DRP2: variants seen among roughly 807,000 people sequenced by gnomAD.
The protein encoded by DRP2 is dystrophin related protein 2.
In DRP2, 29 loss-of-function variants were observed where a neutral mutation model predicts 78.2. The observed-to-expected ratio is 0.37, with a 90% confidence interval of 0.28 to 0.51. DRP2 has a LOEUF of 0.51. Ranked by LOEUF, DRP2 falls within the 20% of genes least tolerant of loss-of-function variation. DRP2 has a pLI of 0.94. For synonymous variants in DRP2, 290 were observed against 281.9 expected (o/e 1.03, Z -0.29); for missense variants, 686 against 770.6 (o/e 0.89, Z 1.30).
chrX:101,263,372 T>C lies in DRP2; in HGVS notation c.*2751T>C, dbSNP rs1014156814. On this transcript the variant is annotated 3_prime_UTR_variant, in exon 24 of 24. Transcript: ENST00000395209. ...ATGGTGAAGGGAGTTGCTAGATTGA[T>C]AGCCTAAAGAAAACCTTCTGACTGT... 1.1e-4 allele frequency: 12 copies of C among 112,474 alleles called. No homozygotes were observed. The highest frequency in any genetic ancestry group is 3.9e-4 in the African/African-American group (12 of 30,948). 9.3% of individuals were successfully genotyped at this position (112,474 alleles called of 1,213,427 possible). A position where few individuals can be genotyped will look rare whatever the true frequency, so the allele number is the denominator to read the frequency against.
chrX:101,242,072 A>G, intron 7 of DRP2, 136 bp downstream of exon 7: 2 of 869,960 alleles, frequency 2.3e-6, no homozygotes, highest in Non-Finnish European at 3.1e-6. Flanking sequence ...TATGTGCTAG[A>G]TTTGGGGCTG....
rs1267371449 is a variant in DRP2 at position 101,231,570 on chromosome X, G to C, written c.-63-15G>C. ...CTAGGTCTTGACTCGAAATCTCTCT[G>C]TATTGCTTTTCCAGGTGCTTAATGA... On this transcript the variant is annotated splice_polypyrimidine_tract_variant and intron_variant, in intron 2 of 23. Coordinates refer to ENST00000395209, the MANE Select transcript of DRP2 (RefSeq NM_001939.3). The C allele has an allele frequency of 1.2e-6, 1 of 868,652 alleles. No homozygotes were observed. Among genetic ancestry groups the C allele is most frequent in the Non-Finnish European group, 1.7e-6 (1 of 583,888 alleles). The allele number at this position is 868,652 out of a possible 1,213,427, so 71.6% of individuals were successfully genotyped here. A position where few individuals can be genotyped will look rare whatever the true frequency, so the allele number is the denominator to read the frequency against.
rs369183404 is a variant in DRP2, at chrX:101,248,132, G to A, written c.1296G>A (p.Glu432=). ...CCACAGCCCTGGAAATCTTCAATGAGCATGATCTGCAGGCCAGTGAGCACG... is the reference window on the plus strand; with the variant it reads ...CCACAGCCCTGGAAATCTTCAATGAACATGATCTGCAGGCCAGTGAGCACG... ...TLTTALEIFN[E]HDLQASEHVM... is the part of the protein sequence containing the mutation. The change falls in exon 13 of 24, where the codon GAG becomes GAA. Residue 432 remains glutamate (E), a synonymous_variant. Coordinates refer to ENST00000395209, the MANE Select transcript of DRP2 (RefSeq NM_001939.3). The A allele has an allele frequency of 4.4e-5, 53 of 1,209,580 alleles. No homozygotes were observed. Among genetic ancestry groups the A allele is most frequent in the Admixed American group, 6.6e-5 (3 of 45,686 alleles).
chrX:101,254,074 G>A (rs1014339367), intron 17 of DRP2, among the ~76,000 whole-genome samples: 15 of 111,193 alleles, frequency 1.3e-4, no homozygotes, highest in Admixed American at 2.9e-4. Flanking sequence ...TTGAGCCCAG[G>A]AGTTCAAGAC....
chrX:101,251,362 T>A (rs746344134), intron 16 of DRP2: 9 of 190,477 alleles, frequency 4.7e-5, no homozygotes, highest in Non-Finnish European at 7.6e-5. Flanking sequence ...TACTAAATGG[T>A]ATGCCAGCAA....
Position 101,243,122 on chromosome X carries a change from A to G in DRP2, c.1054+140A>G, listed in dbSNP as rs1306038747. On this transcript the variant is annotated intron_variant, in intron 9 of 23. Coordinates refer to ENST00000395209, the MANE Select transcript of DRP2 (RefSeq NM_001939.3). The stretch of plus-strand genomic sequence containing the variant: ...CAGTAAGGATAAAACAGTGTGGTAT[A>G]GTGGTTAAAAGAACAGTCTCTCGGC... 8 of 498,329 alleles carry G rather than the reference A, an allele frequency of 1.6e-5. No individual in the cohort carries two copies. The Admixed American group carries it at 1.9e-4, about 12-fold the overall frequency. 41.1% of individuals were successfully genotyped at this position (498,329 alleles called of 1,213,427 possible). A position where few individuals can be genotyped will look rare whatever the true frequency, so the allele number is the denominator to read the frequency against.
At position 101,262,752 on chromosome X, in the gene DRP2, G is replaced by A. The variant is rs899179420; in HGVS notation, c.*2131G>A. The A allele has an allele frequency of 1.8e-5, 2 of 111,389 alleles. No homozygotes were observed. Among genetic ancestry groups the A allele is most frequent in the East Asian group, 2.8e-4 (1 of 3,550 alleles). 9.2% of individuals were successfully genotyped at this position (111,389 alleles called of 1,213,427 possible). A position where few individuals can be genotyped will look rare whatever the true frequency, so the allele number is the denominator to read the frequency against. On this transcript the variant is annotated 3_prime_UTR_variant, in exon 24 of 24. Coordinates refer to ENST00000395209, the MANE Select transcript of DRP2 (RefSeq NM_001939.3). Reference sequence around the variant, plus strand: ...ATAGATGGTTGAGCAGGTGGTAGGCGGGCATCAATCATAGAACCTGGGCAT... The same window carrying A: ...ATAGATGGTTGAGCAGGTGGTAGGCAGGCATCAATCATAGAACCTGGGCAT...
In DRP2 at chrX:101,254,934, G is replaced by A. The variant is rs368501450; in HGVS notation, c.2180+10G>A. 7 of 1,209,590 alleles carry A rather than the reference G, an allele frequency of 5.8e-6. No individual in the cohort carries two copies. The African/African-American group carries it at 1.2e-4, about 21-fold the overall frequency. ...AGCATTTTGCCAGCAGGTACCACCAGGTTTGCGGGAGGTGGGTAGGAGCTG... is the reference window on the plus strand; with the variant it reads ...AGCATTTTGCCAGCAGGTACCACCAAGTTTGCGGGAGGTGGGTAGGAGCTG... On this transcript the variant is annotated intron_variant, in intron 19 of 23. Coordinates refer to ENST00000395209, the MANE Select transcript of DRP2 (RefSeq NM_001939.3).
chrX:101,222,704 A>T (rs752682581), intron 1 of DRP2, among the ~76,000 whole-genome samples: 10 of 112,661 alleles, frequency 8.9e-5, no homozygotes, highest in Non-Finnish European at 1.9e-4. Context: ...ATGTGTTATG[A>T]AATATCTTTG....
intron 18 of DRP2, 59 bp from the exon 19 acceptor site, chrX:101,254,800 G>A: frequency 1.7e-6 from 2 of 1,185,147 alleles, no homozygotes; most frequent in South Asian, 1.8e-5. Flanking sequence ...AGCAGGAGAG[G>A]GAGGAGGAAA....
rs772753052 is a variant in DRP2 at position 101,236,636 on chromosome X, A to G, written c.281+613A>G. ...CTTTTTTTCTCCACCCTCTATCATC[A>G]AAGTCCAAGCTTCTGGCTTCTGATG... is the stretch of plus-strand genomic sequence containing the variant. On this transcript the variant is annotated intron_variant, in intron 4 of 23. Coordinates refer to ENST00000395209, the MANE Select transcript of DRP2 (RefSeq NM_001939.3). Among the ~76,000 whole-genome samples, 18 of 111,880 alleles carry G rather than the reference A, an allele frequency of 1.6e-4. No homozygotes were observed. The South Asian group carries it at 6.0e-3, about 37-fold the overall frequency.
chrX:101,236,141 C>G (rs985040897), intron 4 of DRP2, 118 bp downstream of exon 4: 1 of 774,146 alleles, frequency 1.3e-6, no homozygotes, highest in Non-Finnish European at 1.9e-6. Context: ...ACCCACTTCT[C>G]CCTTTCCTAC....
chrX:101,242,487 G>T lies in DRP2; in HGVS notation c.975+16G>T. On this transcript the variant is annotated intron_variant, in intron 8 of 23. Coordinates refer to ENST00000395209, the MANE Select transcript of DRP2 (RefSeq NM_001939.3). ...ACAACTACAGGTAGAAGAGCAGCCT[G>T]GAGTGAACCATGGGGAGGTGCCTCC... 8.3e-7 allele frequency: 1 copy of T among 1,200,978 alleles called. No homozygotes were observed. Among genetic ancestry groups the T allele is most frequent in the Middle Eastern group, 2.6e-4 (1 of 3,802 alleles).
intron 3 of DRP2, among the ~76,000 whole-genome samples, chrX:101,232,658 T>C (rs1346795595): frequency 9.0e-6 from 1 of 110,994 alleles, no homozygotes; most frequent in Non-Finnish European, 1.9e-5. Flanking sequence ...GACATTAGAG[T>C]CAGGTCCCCC....
intron 12 of DRP2, 141 bp from the exon 13 acceptor site, chrX:101,247,948 A>C: frequency 5.7e-6 from 3 of 523,394 alleles, no homozygotes; most frequent in Non-Finnish European, 6.3e-6. Flanking sequence ...TTAGTAAAGG[A>C]CAAGCTTGTA....
At position 101,251,052 on chromosome X, in the gene DRP2, A is replaced by T. The variant is rs1923125118; in HGVS notation, c.1834A>T (p.Ile612Phe). 1 of 1,208,900 alleles carries T rather than the reference A, an allele frequency of 8.3e-7. No homozygotes were observed. The highest frequency in any genetic ancestry group is 1.8e-5 in the African/African-American group (1 of 57,095). The change falls in exon 16 of 24, where the codon ATC becomes TTC. Residue 612 changes from isoleucine (I) to phenylalanine (F), a missense_variant. Physicochemically the swap from Ile to Phe is conservative, Grantham distance 21. Transcript: ENST00000395209. The part of the protein sequence containing the change: ...EQVKHQTKCS[I>F]CRQCPIKGFR... ...AGTGAAGCATCAGACCAAGTGCTCT[A>T]TCTGTAGGCAGTGCCCCATCAAGGG...
At chrX:101,238,732 C>T (rs1307709241) in intron 5 of DRP2, among the ~76,000 whole-genome samples, 1 of 111,572 alleles carries the variant, frequency 9.0e-6, no homozygotes, top group Non-Finnish European at 1.9e-5. Context: ...GAACCAAGAT[C>T]CCCACATTTT....
chrX:101,237,272 C>G (rs765322144), intron 4 of DRP2, among the ~76,000 whole-genome samples: 3 of 112,090 alleles, frequency 2.7e-5, no homozygotes, highest in Non-Finnish European at 5.6e-5. Flanking sequence ...CAGCTGTCAC[C>G]TCTAATGCCC....
intron 1 of DRP2, among the ~76,000 whole-genome samples, chrX:101,222,819 C>G (rs1461040557): frequency 2.7e-5 from 3 of 111,741 alleles, no homozygotes; most frequent in Non-Finnish European, 5.6e-5. Context: ...TGTCTATTCT[C>G]CATGATTAAA....
Sources: allele counts gnomAD v4.1 joint callset (sites outside exome capture counted in the v4.1 genomes callset), GRCh38; gene constraint gnomAD v4.1.1; transcripts MANE v1.5; gene names NCBI Gene and HGNC (gene_info 2026-07-23, HGNC 2026-07-21).